Variants in CCDC144A observed in about 807,000 individuals in gnomAD.
CCDC144A encodes coiled-coil domain containing 144A.
Under a neutral mutation model 143.8 loss-of-function variants are expected in CCDC144A, and 41 were observed. The observed-to-expected ratio is 0.29, with a 90% confidence interval of 0.22 to 0.37. The LOEUF (loss-of-function observed/expected upper bound fraction) is 0.37, where lower values mean the gene tolerates loss of function less well. Ranked by LOEUF, CCDC144A falls within the 10% of genes least tolerant of loss-of-function variation. The pLI is 1.00. For missense variants in CCDC144A, 637 were observed against 1,488.8 expected (o/e 0.43, Z 9.41); for synonymous variants, 242 against 517.9 (o/e 0.47, Z 7.23).
At chr17:16,742,408 A>G (rs1914296508) in intron 12 of CCDC144A, among the ~76,000 whole-genome samples, 1 of 152,150 alleles carries the variant, frequency 6.6e-6, no homozygotes, top group African/African-American at 2.4e-5. Flanking sequence ...ATGGCTGAAT[A>G]GTATTCCACT....
intron 12 of CCDC144A, among the ~76,000 whole-genome samples, chr17:16,756,313 T>G (rs1360341764): frequency 6.6e-6 from 1 of 152,228 alleles, no homozygotes; most frequent in African/African-American, 2.4e-5. Context: ...ATTTTTTTTA[T>G]TTTTGCTTTT....
chr17:16,772,110 A>G lies in CCDC144A; in HGVS notation c.4141+91A>G, dbSNP rs895500887. On this transcript the variant is annotated intron_variant, in intron 16 of 16. Transcript: ENST00000399273. ...CGACATCCCTTTCCGTTCTTGGGCT[A>G]GTAGATACTACATTAAATATTCTTT... 7 of 740,726 alleles carry G rather than the reference A, an allele frequency of 9.5e-6. No individual in the cohort carries two copies. In the African/African-American group the frequency reaches 1.1e-4, roughly 11 times the overall value. The allele number at this position is 740,726 out of a possible 1,614,324, so 45.9% of individuals were successfully genotyped here.
chr17:16,729,989 T>C lies in CCDC144A; in HGVS notation c.2106-1811T>C, dbSNP rs867839231. On this transcript the variant is annotated intron_variant, in intron 9 of 16. Coordinates refer to ENST00000399273, the MANE Select transcript of CCDC144A (RefSeq NM_001382000.1). ...ATATATATATATATATATATATATATATACACACATACATTTTTTGTTTTT... is the reference window on the plus strand; with the variant it reads ...ATATATATATATATATATATATATACATACACACATACATTTTTTGTTTTT... Among the ~76,000 whole-genome samples, 392 of 121,154 alleles carry C rather than the reference T, an allele frequency of 3.2e-3. 12 individuals carry two copies. Among genetic ancestry groups the C allele is most frequent in the Admixed American group, 7.3e-3 (91 of 12,480 alleles). 79.5% of individuals were successfully genotyped at this position (121,154 alleles called of 152,430 possible). A position where few individuals can be genotyped will look rare whatever the true frequency, so the allele number is the denominator to read the frequency against.
the CCDC144A span, among the ~76,000 whole-genome samples, chr17:16,682,965 G>C: frequency 1.6e-5 from 2 of 127,246 alleles, no homozygotes; most frequent in Non-Finnish European, 3.1e-5. Flanking sequence ...GCAGCGGCTC[G>C]ATCTCAGCTC....
chr17:16,690,458 G>T lies in CCDC144A; in HGVS notation c.58G>T (p.Val20Phe), dbSNP rs764147507. 18 of 1,612,292 alleles carry T rather than the reference G, an allele frequency of 1.1e-5. No individual in the cohort carries two copies. In the African/African-American group the frequency reaches 2.4e-4, roughly 22 times the overall value. The change falls in exon 1 of 17, where the codon GTC becomes TTC. Residue 20 changes from valine to phenylalanine, a missense_variant. Val to Phe is a conservative substitution (Grantham distance 50). Transcript: ENST00000399273. The stretch of plus-strand genomic sequence containing the variant: ...GGCTGAGGGGTCTCCGAAGCCGGCA[G>T]TCTACGCCACGAGGAAGACCCCTAG... ...GGAEGSPKPA[V>F]YATRKTPSVG...
intron 11 of CCDC144A, among the ~76,000 whole-genome samples, chr17:16,733,741 A>G (rs2143243230): frequency 6.6e-6 from 1 of 152,028 alleles, no homozygotes; most frequent in East Asian, 1.9e-4. Flanking sequence ...GAAGAGCACT[A>G]GAAGTAAAGT....
intron 12 of CCDC144A, among the ~76,000 whole-genome samples, chr17:16,759,052 C>T (rs939692480): frequency 1.3e-5 from 2 of 152,128 alleles, no homozygotes; most frequent in African/African-American, 4.8e-5. Context: ...AAAATAGAGC[C>T]TTACACTGAC....
At chr17:16,719,423 T>G (rs1030748929) in intron 6 of CCDC144A, among the ~76,000 whole-genome samples, 201 of 152,360 alleles carry the variant, frequency 1.3e-3, no homozygotes, top group Non-Finnish European at 1.6e-3. Flanking sequence ...TATTTATAGT[T>G]GTAGTCAGAA....
At chr17:16,693,562 G>A (rs2143035052) in intron 2 of CCDC144A, among the ~76,000 whole-genome samples, 1 of 152,238 alleles carries the variant, frequency 6.6e-6, no homozygotes, top group Non-Finnish European at 1.5e-5. Flanking sequence ...TGATCCATCC[G>A]CCTCGGCCTC....
chr17:16,668,876 T>C, the CCDC144A span, among the ~76,000 whole-genome samples: 1 of 152,146 alleles, frequency 6.6e-6, no homozygotes, highest in South Asian at 2.1e-4. Flanking sequence ...AATTCCATCA[T>C]AAGGACCCCA....
the CCDC144A span, chr17:16,666,865 A>C: frequency 6.5e-6 from 1 of 152,700 alleles, no homozygotes; most frequent in Non-Finnish European, 1.5e-5. Context: ...CGTTGGGCAC[A>C]GATCACCGCC....
rs886115828 is a variant in CCDC144A, at chr17:16,776,980, A to C, written c.*3347A>C. On this transcript the variant is annotated 3_prime_UTR_variant, in exon 17 of 17. Transcript: ENST00000399273. ...CAGGAGACTCACCTAACACATACGG[A>C]CTCACATAAACTTAAGGCAAAGGGT... The C allele has an allele frequency of 7.3e-6, 1 of 136,954 alleles. No individual in the cohort carries two copies. The highest frequency in any genetic ancestry group is 2.8e-5 in the African/African-American group (1 of 35,170). The allele number at this position is 136,954 out of a possible 1,614,324, so 8.5% of individuals were successfully genotyped here. A position where few individuals can be genotyped will look rare whatever the true frequency, so the allele number is the denominator to read the frequency against.
chr17:16,685,193 G>T (rs982720189), upstream of CCDC144A, among the ~76,000 whole-genome samples: 3 of 151,926 alleles, frequency 2.0e-5, no homozygotes, highest in Non-Finnish European at 2.9e-5. Flanking sequence ...CACCTGGCTG[G>T]TTTTTGTGTT....
In CCDC144A at chr17:16,711,157, AAC is replaced by A. The variant is rs1491071199; in HGVS notation, c.1579-520_1579-519del. Among the ~76,000 whole-genome samples, 43 of 143,056 alleles carry A rather than the reference AAC, an allele frequency of 3.0e-4. 4 individuals carry two copies. Among genetic ancestry groups the A allele is most frequent in the Non-Finnish European group, 4.9e-4 (32 of 65,594 alleles). The allele number at this position is 143,056 out of a possible 152,430, so 93.9% of individuals were successfully genotyped here. A position where few individuals can be genotyped will look rare whatever the true frequency, so the allele number is the denominator to read the frequency against. On this transcript the variant is annotated intron_variant, in intron 5 of 16. Transcript: ENST00000399273. ...AAATGAAAAAAAAAAAAAAAAAAAA[AAC>A]AAAAGTTAGTGGGGGAAAAGAATAG... is the stretch of plus-strand genomic sequence containing the variant.
In CCDC144A at chr17:16,709,088, G is replaced by A; in HGVS notation, c.1031G>A (p.Cys344Tyr). The change falls in exon 5 of 17, where the codon TGT becomes TAT. Residue 344 changes from cysteine (C) to tyrosine (Y), a missense_variant. By Grantham distance (194) the Cys-to-Tyr change is radical. Transcript: ENST00000399273. ...PFNLTNNIPG[C>Y]EEEDASEISV... is the part of the protein sequence containing the mutation. The stretch of plus-strand genomic sequence containing the variant: ...AATTTGACAAATAACATACCTGGTT[G>A]TGAGGAAGAAGATGCATCTGAAATA... The A allele has an allele frequency of 6.2e-7, 1 of 1,611,686 alleles. No individual in the cohort carries two copies.
chr17:16,702,264 C>T (rs563449534), intron 2 of CCDC144A, among the ~76,000 whole-genome samples: 2 of 152,302 alleles, frequency 1.3e-5, no homozygotes, highest in East Asian at 1.9e-4. Flanking sequence ...AGTGTTTCTT[C>T]TTAAGCTTCT....
At chr17:16,692,031 G>T (rs1190142256) in intron 1 of CCDC144A, 1 of 151,854 alleles carries the variant, frequency 6.6e-6, no homozygotes, top group Non-Finnish European at 1.5e-5. Context: ...ATGCAGTAAG[G>T]TGATCAATGG....
chr17:16,671,474 A>G, the CCDC144A span, among the ~76,000 whole-genome samples: 8 of 152,186 alleles, frequency 5.3e-5, no homozygotes, highest in Admixed American at 2.6e-4. Flanking sequence ...TAATTACCTT[A>G]GTAGTACTTT....
At chr17:16,753,250 T>C (rs1208571012) in intron 12 of CCDC144A, among the ~76,000 whole-genome samples, 2 of 150,890 alleles carry the variant, frequency 1.3e-5, no homozygotes, top group Non-Finnish European at 2.9e-5. Context: ...CCTGGCTGCA[T>C]GTGGTGACCA....
Sources: gnomAD v4.1 joint callset for allele counts (sites outside exome capture counted in the v4.1 genomes callset) on GRCh38, gnomAD v4.1.1 for gene constraint, MANE v1.5 for transcripts, NCBI Gene and HGNC (gene_info 2026-07-23, HGNC 2026-07-21) for gene names.